Variants in RNF111 observed in about 807,000 individuals in gnomAD.
The protein encoded by RNF111 is ring finger protein 111.
In RNF111, 17 loss-of-function variants were observed where a neutral mutation model predicts 95.1. The observed-to-expected ratio is 0.18, with a 90% confidence interval of 0.12 to 0.27. The LOEUF (loss-of-function observed/expected upper bound fraction) is 0.27. Ranked by LOEUF, RNF111 falls within the 10% of genes least tolerant of loss-of-function variation. The pLI is 1.00. For missense variants in RNF111, 1,189 were observed against 1,210.4 expected (o/e 0.98, Z 0.26); for synonymous variants, 440 against 414.8 (o/e 1.06, Z -0.74).
At chr15:59,081,377 G>A in intron 8 of RNF111, 93 bp downstream of exon 8, 1 of 1,079,580 alleles carries the variant, frequency 9.3e-7, no homozygotes, top group East Asian at 2.6e-5. Context: ...AGGCATGGTG[G>A]CATGCACTTG....
chr15:59,048,013 T>C (rs2041798278), intron 2 of RNF111, among the ~76,000 whole-genome samples: 7 of 152,242 alleles, frequency 4.6e-5, no homozygotes, highest in Admixed American at 4.6e-4. Context: ...CTATTGGGAA[T>C]GTAAAATTGT....
At chr15:59,072,794 T>C (rs762844279) in intron 6 of RNF111, among the ~76,000 whole-genome samples, 2 of 151,876 alleles carry the variant, frequency 1.3e-5, no homozygotes, top group African/African-American at 2.4e-5. Context: ...CTGGAGAAGA[T>C]TCTATCTCAA....
intron 1 of RNF111, among the ~76,000 whole-genome samples, chr15:59,025,153 G>T (rs2040539130): frequency 6.6e-6 from 1 of 152,228 alleles, no homozygotes; most frequent in African/African-American, 2.4e-5. Context: ...CCAAAGTGCA[G>T]GGATTACAGG....
intron 12 of RNF111, among the ~76,000 whole-genome samples, chr15:59,091,481 T>C (rs1181975849): frequency 6.6e-6 from 1 of 152,196 alleles, no homozygotes; most frequent in East Asian, 1.9e-4. Context: ...ACCACATAGT[T>C]TGCAGATTGC....
At chr15:59,083,031 C>A (rs1479750054) in intron 8 of RNF111, among the ~76,000 whole-genome samples, 1 of 151,964 alleles carries the variant, frequency 6.6e-6, no homozygotes. Flanking sequence ...CACCTTTAGT[C>A]CCAGCTACTC....
chr15:59,052,526 A>G (rs1596211859), intron 3 of RNF111, 95 bp downstream of exon 3: 1 of 803,978 alleles, frequency 1.2e-6, no homozygotes, highest in East Asian at 3.9e-5. Context: ...TTATTTATTT[A>G]TTTTTGAGAC....
intron 6 of RNF111, 64 bp downstream of exon 6, chr15:59,067,147 C>T (rs2042693569): frequency 7.5e-7 from 1 of 1,334,816 alleles, no homozygotes; most frequent in African/African-American, 1.4e-5. Flanking sequence ...CTCTCCTTCT[C>T]CCTTTTCTCT....
chr15:59,051,956 T>C (rs984964986), intron 2 of RNF111, among the ~76,000 whole-genome samples: 5 of 152,106 alleles, frequency 3.3e-5, no homozygotes, highest in African/African-American at 1.2e-4. Context: ...TAATATCTTA[T>C]ATAGTAGAAT....
At chr15:58,993,617 T>A (rs2038917358) in intron 1 of RNF111, among the ~76,000 whole-genome samples, 1 of 152,220 alleles carries the variant, frequency 6.6e-6, no homozygotes, top group East Asian at 1.9e-4. Context: ...CAGTATTTCG[T>A]TTCTATTTGT....
At chr15:59,043,177 CAG>C (rs2041548778) in intron 2 of RNF111, among the ~76,000 whole-genome samples, 1 of 146,502 alleles carries the variant, frequency 6.8e-6, no homozygotes, top group South Asian at 2.1e-4. Context: ...TTTTTTGAGA[CAG>C]GGTCTCATTT....
chr15:59,041,283 C>T (rs1448912340), intron 2 of RNF111, among the ~76,000 whole-genome samples: 3 of 152,044 alleles, frequency 2.0e-5, no homozygotes, highest in East Asian at 3.9e-4. Context: ...TGACCCCGTG[C>T]AGTGGCTCAC....
At chr15:59,015,905 G>A (rs771981148) in intron 1 of RNF111, among the ~76,000 whole-genome samples, 18 of 151,996 alleles carry the variant, frequency 1.2e-4, no homozygotes, top group Non-Finnish European at 2.4e-4. Flanking sequence ...AGGTTGGAGT[G>A]CAGTGGCGTG....
At position 59,031,114 on chromosome 15, in the gene RNF111, C is replaced by G. The variant is rs2040882762; in HGVS notation, c.292C>G (p.Gln98Glu). 2 of 1,614,206 alleles carry G rather than the reference C, an allele frequency of 1.2e-6. No individual in the cohort carries two copies. The highest frequency in any genetic ancestry group is 1.7e-6 in the Non-Finnish European group (2 of 1,180,030). Residue 98 changes from glutamine (Q) to glutamate (E), a missense_variant, in exon 2 of 14, where the codon CAG (glutamine) becomes GAG (glutamate). Physicochemically the swap from Gln to Glu is conservative, Grantham distance 29. Transcript: ENST00000348370. ...SLVVRKKRKS[Q>E]QAGPSYVQNC... ...CGTTGTGAGGAAAAAACGCAAAAGC[C>G]AGCAGGCTGGCCCTTCGTATGTGCA...
At position 59,093,455 on chromosome 15, in the gene RNF111, C is replaced by A. The variant is rs114901638; in HGVS notation, c.2843+815C>A. 4.3e-3 allele frequency: 1,881 copies of A among 437,104 alleles called. 33 individuals carry two copies. Among genetic ancestry groups the A allele is most frequent in the African/African-American group, 0.036 (1,742 of 48,214 alleles). The allele number at this position is 437,104 out of a possible 1,614,324, so 27.1% of individuals were successfully genotyped here. ...CCACCTCCTGGGCTGAAGCGATCCA[C>A]CTACCTCAGCCTCCCAAAATGCTGG... On this transcript the variant is annotated intron_variant, in intron 13 of 13. Coordinates refer to ENST00000348370, the MANE Select transcript of RNF111 (RefSeq NM_017610.8).
At chr15:59,044,481 T>C (rs2141891775) in intron 2 of RNF111, among the ~76,000 whole-genome samples, 1 of 152,170 alleles carries the variant, frequency 6.6e-6, no homozygotes, top group East Asian at 1.9e-4. Flanking sequence ...CTTTGAAGAG[T>C]TTATAAAGAA....
intron 3 of RNF111, among the ~76,000 whole-genome samples, chr15:59,054,739 C>G (rs2042135114): frequency 6.6e-6 from 1 of 152,030 alleles, no homozygotes; most frequent in African/African-American, 2.4e-5. Flanking sequence ...ATTTTCAGCC[C>G]ACTTTGACCT....
At position 59,076,112 on chromosome 15, in the gene RNF111, A is replaced by T; in HGVS notation, c.1845A>T (p.Leu615Phe). 1 of 1,614,138 alleles carries T rather than the reference A, an allele frequency of 6.2e-7. No individual in the cohort carries two copies. Among genetic ancestry groups the T allele is most frequent in the Non-Finnish European group, 8.5e-7 (1 of 1,180,014 alleles). ...CTGCTGCTGCCCCAAGTCAACCTTT[A>T]TCATCAATAGATGGCTATGGATCAA... ...QAAAAAPSQP[L>F]SSIDGYGSSM... Residue 615 changes from leucine to phenylalanine, a missense_variant, in exon 7 of 14, where the codon TTA (leucine) becomes TTT (phenylalanine). Physicochemically the swap from Leu to Phe is conservative, Grantham distance 22 (BLOSUM62 0). Transcript: ENST00000348370.
intron 10 of RNF111, among the ~76,000 whole-genome samples, chr15:59,087,881 A>T (rs2078942039): frequency 6.6e-6 from 1 of 152,248 alleles, no homozygotes. Flanking sequence ...AGCATTTGGC[A>T]GTAGAGTGGT....
intron 4 of RNF111, among the ~76,000 whole-genome samples, chr15:59,057,142 G>A (rs2042231496): frequency 6.6e-6 from 1 of 152,062 alleles, no homozygotes; most frequent in Non-Finnish European, 1.5e-5. Flanking sequence ...TCACAGTTAG[G>A]GGAGGATGCT....
Sources: allele counts gnomAD v4.1 joint callset (sites outside exome capture counted in the v4.1 genomes callset), GRCh38; gene constraint gnomAD v4.1.1; transcripts MANE v1.5; gene names NCBI Gene and HGNC (gene_info 2026-07-23, HGNC 2026-07-21).